Variants in RGS7 observed in about 807,000 individuals in gnomAD.
The protein encoded by RGS7 is regulator of G-protein signaling 7.
A neutral mutation model predicts 81.1 loss-of-function variants in RGS7; 27 were observed. The observed-to-expected ratio is 0.33, with a 90% CI of 0.25 to 0.46. The LOEUF (loss-of-function observed/expected upper bound fraction) is 0.46. Ranked by LOEUF, RGS7 falls within the 20% of genes least tolerant of loss-of-function variation. RGS7 has a pLI of 1.00. For missense variants in RGS7, 396 were observed against 607.4 expected (o/e 0.65, Z 3.66); for synonymous variants, 208 against 207.7 (o/e 1.00, Z -0.01).
chr1:241,271,839 T>C lies in RGS7; in HGVS notation c.78+83860A>G, dbSNP rs180938632. On this transcript the variant is annotated intron_variant, in intron 2 of 18. Coordinates refer to ENST00000440928, the MANE Select transcript of RGS7 (RefSeq NM_001364886.1). The surrounding 1 kb of genome is among the most constrained non-coding windows in gnomAD (Gnocchi z 4.6). ...TGGCCTCCAGCTTGCAGATAGCAGA[T>C]TATGGGACTTAACCTCCACAATCAC... Among the ~76,000 whole-genome samples the C allele has an allele frequency of 6.6e-6, 1 of 151,386 alleles. No individual in the cohort carries two copies. The highest frequency in any genetic ancestry group is 2.0e-4 in the East Asian group (1 of 5,128).
At chr1:241,276,096 T>C (rs529473829) in intron 2 of RGS7, among the ~76,000 whole-genome samples, 1 of 152,204 alleles carries the variant, frequency 6.6e-6, no homozygotes, top group Admixed American at 6.5e-5. Context: ...TGCCTCCTAT[T>C]AAAGCTTTTT....
At chr1:241,322,418 A>G (rs1247716956) in intron 2 of RGS7, among the ~76,000 whole-genome samples, 1 of 152,246 alleles carries the variant, frequency 6.6e-6, no homozygotes, top group Non-Finnish European at 1.5e-5. Flanking sequence ...TTGACTATAT[A>G]TTCACTCTTT....
Position 241,039,647 on chromosome 1 carries a change from T to C in RGS7, c.176-56518A>G, listed in dbSNP as rs75274148. Among the ~76,000 whole-genome samples, 898 of 152,182 alleles carry C rather than the reference T, an allele frequency of 5.9e-3. 14 individuals carry two copies. The highest frequency in any genetic ancestry group is 5.8e-3 in the Non-Finnish European group (392 of 68,010). On this transcript the variant is annotated intron_variant, in intron 3 of 18. Coordinates refer to ENST00000440928, the MANE Select transcript of RGS7 (RefSeq NM_001364886.1). Reference sequence around the variant, plus strand: ...AGTTAGTTGTGATGTACAACCGAGTTTCAACACTTGGAAGTAAGTGAAATG... The same window carrying C: ...AGTTAGTTGTGATGTACAACCGAGTCTCAACACTTGGAAGTAAGTGAAATG...
At chr1:241,136,260 C>G (rs923699385) in intron 2 of RGS7, among the ~76,000 whole-genome samples, 1 of 152,150 alleles carries the variant, frequency 6.6e-6, no homozygotes, top group Non-Finnish European at 1.5e-5. Context: ...CTCATTACTT[C>G]AGGAGCTTGA....
At chr1:240,843,261 T>G (rs1658443220) in intron 9 of RGS7, among the ~76,000 whole-genome samples, 1 of 149,166 alleles carries the variant, frequency 6.7e-6, no homozygotes, top group Non-Finnish European at 1.5e-5. Context: ...ACAAATATCT[T>G]TTTTTCTTTT....
chr1:241,133,000 A>G (rs200217049), intron 2 of RGS7, among the ~76,000 whole-genome samples: 2 of 151,920 alleles, frequency 1.3e-5, no homozygotes, highest in Non-Finnish European at 2.9e-5. Context: ...CTGACCTCGT[A>G]ATCCGCCTGC....
At chr1:240,834,246 C>T (rs1352904148) in intron 9 of RGS7, among the ~76,000 whole-genome samples, 1 of 152,178 alleles carries the variant, frequency 6.6e-6, no homozygotes, top group East Asian at 1.9e-4. Flanking sequence ...GAAATTGCTC[C>T]AAATTTCTTC....
chr1:241,009,117 G>T (rs921044090), intron 3 of RGS7, among the ~76,000 whole-genome samples: 5 of 152,034 alleles, frequency 3.3e-5, no homozygotes, highest in Admixed American at 2.0e-4. Flanking sequence ...CTTCATTATA[G>T]ATTAACTTCC....
At chr1:241,272,139 A>G (rs902968265) in intron 2 of RGS7, among the ~76,000 whole-genome samples, 8 of 151,584 alleles carry the variant, frequency 5.3e-5, no homozygotes, top group South Asian at 4.2e-4. Flanking sequence ...GACTACAGGC[A>G]CCCGCCACCA....
At chr1:241,261,517 T>C (rs1201149827) in intron 2 of RGS7, among the ~76,000 whole-genome samples, 1 of 151,328 alleles carries the variant, frequency 6.6e-6, no homozygotes, top group Non-Finnish European at 1.5e-5. Flanking sequence ...TAGTCTCAGC[T>C]ACTCGGGAGG....
intron 2 of RGS7, among the ~76,000 whole-genome samples, chr1:241,226,314 C>T (rs188633526): frequency 3.9e-5 from 6 of 152,252 alleles, no homozygotes; most frequent in Admixed American, 1.3e-4. Context: ...TGGTGTGCAA[C>T]GTTTGAGAGG....
chr1:240,780,658 G>A (rs1478213661), intron 18 of RGS7, among the ~76,000 whole-genome samples: 4 of 151,972 alleles, frequency 2.6e-5, no homozygotes, highest in Non-Finnish European at 4.4e-5. Flanking sequence ...GCTGACGCCT[G>A]TAATCTCAGC....
chr1:240,788,270 T>A (rs567661421), intron 18 of RGS7, among the ~76,000 whole-genome samples: 1 of 152,228 alleles, frequency 6.6e-6, no homozygotes, highest in Non-Finnish European at 1.5e-5. Context: ...ATATATTTAA[T>A]TATAAACAGC....
chr1:241,029,187 C>G (rs1346629468), intron 3 of RGS7, among the ~76,000 whole-genome samples: 1 of 151,910 alleles, frequency 6.6e-6, no homozygotes, highest in Non-Finnish European at 1.5e-5. Context: ...CAGAACAAAT[C>G]CAAGAATTTC....
At chr1:241,259,477 A>C (rs978945864) in intron 2 of RGS7, among the ~76,000 whole-genome samples, 1 of 151,084 alleles carries the variant, frequency 6.6e-6, no homozygotes, top group Admixed American at 6.6e-5. Context: ...CAACATGGAG[A>C]AACCCTCTAC....
At chr1:240,962,582 C>T (rs1288245393) in intron 4 of RGS7, among the ~76,000 whole-genome samples, 2 of 152,148 alleles carry the variant, frequency 1.3e-5, no homozygotes, top group African/African-American at 4.8e-5. Context: ...ACTGGCAAAT[C>T]AACAGACACT....
At chr1:240,851,788 G>A (rs539646328) in intron 9 of RGS7, among the ~76,000 whole-genome samples, 5 of 152,242 alleles carry the variant, frequency 3.3e-5, no homozygotes, top group East Asian at 3.9e-4. Flanking sequence ...AGAAGTAATC[G>A]CAGATGTGGT....
intron 2 of RGS7, among the ~76,000 whole-genome samples, chr1:241,221,701 G>A (rs2075026419): frequency 6.6e-6 from 1 of 152,128 alleles, no homozygotes. Context: ...ATCAGTTAAA[G>A]GCCTGTATAT....
chr1:241,070,082 C>G (rs1475398425), intron 3 of RGS7, among the ~76,000 whole-genome samples: 2 of 152,158 alleles, frequency 1.3e-5, no homozygotes, highest in Non-Finnish European at 1.5e-5. Context: ...AGAAGGACAG[C>G]AGTCACCTGC....
Sources: gnomAD v4.1 joint callset for allele counts (sites outside exome capture counted in the v4.1 genomes callset) on GRCh38, gnomAD v4.1.1 for gene constraint, Gnocchi (gnomAD v3.1) non-coding constraint, MANE v1.5 for transcripts, NCBI Gene and HGNC (gene_info 2026-07-23, HGNC 2026-07-21) for gene names.